The following SLC9A9 variants were observed in gnomAD, a reference collection of about 807,000 sequenced individuals.
The protein encoded by SLC9A9 is sodium/hydrogen exchanger 9.
In SLC9A9, 62 loss-of-function variants were observed where a neutral mutation model predicts 77.8. That is an observed-to-expected ratio of 0.80 (90% CI 0.65 to 0.98). The LOEUF is 0.98. Ranked by LOEUF, SLC9A9 falls within the 50% of genes least tolerant of loss-of-function variation. The pLI is 0.00. For synonymous variants in SLC9A9, 320 were observed against 283.5 expected (o/e 1.13, Z -1.29); for missense variants, 775 against 774.9 (o/e 1.00, Z 0.00).
intron 14 of SLC9A9, among the ~76,000 whole-genome samples, chr3:143,269,967 G>A (rs1268123202): frequency 6.6e-6 from 1 of 152,212 alleles, no homozygotes; most frequent in East Asian, 1.9e-4. Flanking sequence ...GATACCCTGA[G>A]CATGTGGGCA....
At chr3:143,531,425 A>G (rs897247129) in intron 9 of SLC9A9, among the ~76,000 whole-genome samples, 4 of 152,234 alleles carry the variant, frequency 2.6e-5, no homozygotes, top group Non-Finnish European at 1.5e-5. Flanking sequence ...AGAGATTCAC[A>G]TGAGGGAGAG....
chr3:143,451,009 T>C (rs897443234), intron 12 of SLC9A9, among the ~76,000 whole-genome samples: 10 of 152,016 alleles, frequency 6.6e-5, no homozygotes, highest in African/African-American at 2.4e-4. Context: ...AATGTTCAAA[T>C]TGCATCCTAT....
intron 9 of SLC9A9, among the ~76,000 whole-genome samples, chr3:143,509,514 A>G (rs1277314364): frequency 6.6e-6 from 1 of 152,190 alleles, no homozygotes; most frequent in African/African-American, 2.4e-5. Context: ...AATATAGGCA[A>G]AATGCCAAAA....
At chr3:143,839,009 A>G (rs1257213505) in intron 1 of SLC9A9, among the ~76,000 whole-genome samples, 2 of 152,224 alleles carry the variant, frequency 1.3e-5, no homozygotes, top group East Asian at 3.8e-4. Context: ...AAATATCTAA[A>G]TGCATTTCCT....
At chr3:143,387,496 A>G (rs1010501714) in intron 12 of SLC9A9, among the ~76,000 whole-genome samples, 6 of 152,206 alleles carry the variant, frequency 3.9e-5, no homozygotes, top group African/African-American at 1.2e-4. Context: ...TTAAAATTTT[A>G]TATGATGTTT....
chr3:143,280,164 T>A (rs1316382350), intron 14 of SLC9A9, among the ~76,000 whole-genome samples: 1 of 150,992 alleles, frequency 6.6e-6, no homozygotes, highest in Admixed American at 6.6e-5. Flanking sequence ...TCCCTGGGTG[T>A]TCTTGAGGCC....
chr3:143,503,567 T>G lies in SLC9A9; in HGVS notation c.1090-8119A>C, dbSNP rs2035960683. ...TCAGGTCTGTGACTGATGTTGGCAG[T>G]GGGAACATGGAAGGATATGCCAATG... On this transcript the variant is annotated intron_variant, in intron 9 of 15. Transcript: ENST00000316549. The G allele has an allele frequency of 7.3e-6, 3 of 413,020 alleles. 1 individual carries two copies. Among genetic ancestry groups the G allele is most frequent in the South Asian group, 5.5e-5 (3 of 55,038 alleles). 25.6% of individuals were successfully genotyped at this position (413,020 alleles called of 1,614,324 possible).
At chr3:143,673,299 C>T (rs1210442572) in intron 5 of SLC9A9, among the ~76,000 whole-genome samples, 2 of 152,026 alleles carry the variant, frequency 1.3e-5, no homozygotes, top group African/African-American at 4.8e-5. Flanking sequence ...CCATAGGAGC[C>T]CTGCAGGATG....
intron 6 of SLC9A9, among the ~76,000 whole-genome samples, chr3:143,615,036 G>A (rs988138072): frequency 6.6e-6 from 1 of 152,148 alleles, no homozygotes; most frequent in African/African-American, 2.4e-5. Context: ...GCTTCTCCAG[G>A]GGTGTGCTAC....
intron 2 of SLC9A9, among the ~76,000 whole-genome samples, chr3:143,805,967 T>G (rs2008701114): frequency 6.6e-6 from 1 of 152,174 alleles, no homozygotes. Flanking sequence ...ATCTATCTGC[T>G]CTTTGCTGGG....
chr3:143,611,317 A>G (rs1020771912), intron 6 of SLC9A9, among the ~76,000 whole-genome samples: 1 of 152,126 alleles, frequency 6.6e-6, no homozygotes, highest in African/African-American at 2.4e-5. Context: ...TATTTTTACT[A>G]AATAGGTTCC....
chr3:143,633,414 A>G (rs1299174601), intron 6 of SLC9A9, among the ~76,000 whole-genome samples: 1 of 152,178 alleles, frequency 6.6e-6, no homozygotes, highest in Non-Finnish European at 1.5e-5. Context: ...TATACACTAT[A>G]CATTTTCAGA....
intron 9 of SLC9A9, among the ~76,000 whole-genome samples, chr3:143,551,851 T>A (rs1039734647): frequency 2.6e-5 from 4 of 152,158 alleles, no homozygotes; most frequent in African/African-American, 7.2e-5. Flanking sequence ...GTGCAGCAAA[T>A]GTCTGTGGAA....
At chr3:143,414,003 T>G (rs2034145795) in intron 12 of SLC9A9, among the ~76,000 whole-genome samples, 2 of 152,276 alleles carry the variant, frequency 1.3e-5, no homozygotes, top group Admixed American at 1.3e-4. Context: ...GGCCCAGGGC[T>G]AGACACATAG....
At chr3:143,427,470 A>T (rs1176126557) in intron 12 of SLC9A9, among the ~76,000 whole-genome samples, 3 of 152,238 alleles carry the variant, frequency 2.0e-5, no homozygotes, top group African/African-American at 7.2e-5. Flanking sequence ...TTAGCAAGTA[A>T]TCTACTTCTT....
At chr3:143,359,616 A>T (rs1275001199) in intron 14 of SLC9A9, among the ~76,000 whole-genome samples, 1 of 152,126 alleles carries the variant, frequency 6.6e-6, no homozygotes, top group Non-Finnish European at 1.5e-5. Context: ...AGAGTAGGAT[A>T]GGAGGGGCTC....
intron 9 of SLC9A9, among the ~76,000 whole-genome samples, chr3:143,546,642 C>T (rs2036796387): frequency 6.6e-6 from 1 of 152,100 alleles, no homozygotes; most frequent in Non-Finnish European, 1.5e-5. Context: ...CATCTACTAA[C>T]CAAATGATAT....
chr3:143,774,274 G>T (rs748198255), intron 4 of SLC9A9, among the ~76,000 whole-genome samples: 2 of 152,224 alleles, frequency 1.3e-5, no homozygotes, highest in Non-Finnish European at 2.9e-5. Flanking sequence ...TCTGGGAAAG[G>T]TGTGTGGGAG....
At chr3:143,822,444 A>G (rs2009191046) in intron 2 of SLC9A9, among the ~76,000 whole-genome samples, 2 of 151,504 alleles carry the variant, frequency 1.3e-5, no homozygotes, top group South Asian at 4.1e-4. Context: ...GTGATCAGAA[A>G]TGGATGTGAA....
Sources: gnomAD v4.1 joint callset for allele counts (sites outside exome capture counted in the v4.1 genomes callset) on GRCh38, gnomAD v4.1.1 for gene constraint, MANE v1.5 for transcripts, NCBI Gene and HGNC (gene_info 2026-07-23, HGNC 2026-07-21) for gene names.